PHF11: variants seen among roughly 807,000 people sequenced by gnomAD.
PHF11 encodes BRCA1 C-terminus-associated protein.
PHF11 carries 38 observed loss-of-function variants against 40.5 expected under a neutral mutation model. The ratio of observed to expected loss-of-function variants is 0.94; its 90% CI spans 0.72 to 1.23. The LOEUF (loss-of-function observed/expected upper bound fraction) is 1.23. Among genes scored for constraint, PHF11 ranks in the 50% most tolerant of loss-of-function variants. The pLI, the probability that PHF11 is intolerant of heterozygous loss-of-function variation, is 0.00. For missense variants in PHF11, 369 were observed against 392.4 expected (o/e 0.94, Z 0.50); for synonymous variants, 127 against 138.2 (o/e 0.92, Z 0.57).
chr13:49,503,069 TCA>T lies in PHF11; in HGVS notation c.95-3565_95-3564del, dbSNP rs1958932057. Among the ~76,000 whole-genome samples the T allele has an allele frequency of 2.0e-5, 3 of 152,204 alleles. No individual in the cohort carries two copies. The South Asian group carries it at 6.2e-4, about 31-fold the overall frequency. On this transcript the variant is annotated intron_variant, in intron 1 of 9. Transcript: ENST00000378319. ...CTTTGTCATCATGTGCTTCTCCTGC[TCA>T]GACATCCTCCTTGGCAGCCTTTCAA...
chr13:49,525,211 G>C (rs1463824782), intron 8 of PHF11, among the ~76,000 whole-genome samples: 1 of 152,172 alleles, frequency 6.6e-6, no homozygotes, highest in African/African-American at 2.4e-5. Context: ...GGAAGTCAAA[G>C]TTCCATTTGT....
chr13:49,526,185 A>G (rs77365560), intron 8 of PHF11: 13,339 of 491,634 alleles, frequency 0.027, 246 homozygotes, highest in African/African-American at 0.067. Context: ...AAAAAAAAAA[A>G]AAAAAGAAAA....
At chr13:49,507,881 GT>G (rs1959026842) in intron 2 of PHF11, among the ~76,000 whole-genome samples, 1 of 152,074 alleles carries the variant, frequency 6.6e-6, no homozygotes, top group South Asian at 2.1e-4. Flanking sequence ...AGCCTTGGGG[GT>G]TCCTGGAACC....
At chr13:49,514,944 T>C (rs1033479406) in intron 3 of PHF11, among the ~76,000 whole-genome samples, 22 of 152,014 alleles carry the variant, frequency 1.4e-4, no homozygotes, top group Non-Finnish European at 3.1e-4. Context: ...CTGGAATATT[T>C]TTTTGCTCTT....
intron 3 of PHF11, among the ~76,000 whole-genome samples, chr13:49,517,771 T>G (rs1228001352): frequency 6.6e-6 from 1 of 152,212 alleles, no homozygotes; most frequent in Admixed American, 6.5e-5. Context: ...TTTTTCTGCT[T>G]TTAATCAGAT....
intron 1 of PHF11, 143 bp from the exon 2 acceptor site, chr13:49,506,492 G>A (rs567574086): frequency 1.4e-6 from 1 of 702,858 alleles, no homozygotes; most frequent in East Asian, 2.7e-5. Flanking sequence ...TTTTTCACTT[G>A]GGTCCCCAAT....
At position 49,526,390 on chromosome 13, in the gene PHF11, A is replaced by G. The variant is rs781660575; in HGVS notation, c.773A>G (p.Tyr258Cys). ...GAAAATGTTTCTCTCCCTCCAGACT[A>G]TGAAGAAATCGGGAGTGCACTTTTT... Reference protein sequence around the residue: ...LMDETTSESDYEEIGSALFDC... With the variant: ...LMDETTSESDCEEIGSALFDC... The change falls in exon 9 of 10, where the codon TAT (tyrosine) becomes TGT (cysteine). Residue 258 changes from tyrosine to cysteine, a missense_variant. Physicochemically the swap from Tyr to Cys is radical, Grantham distance 194. Transcript: ENST00000378319. 4 of 1,601,206 alleles carry G rather than the reference A, an allele frequency of 2.5e-6. No homozygotes were observed. The highest frequency in any genetic ancestry group is 3.3e-4 in the Middle Eastern group (2 of 6,052).
chr13:49,501,294 T>C (rs974370464), intron 1 of PHF11, among the ~76,000 whole-genome samples: 2 of 152,106 alleles, frequency 1.3e-5, no homozygotes, highest in African/African-American at 4.8e-5. Flanking sequence ...ATTATAGGTG[T>C]GAGCCACTAC....
intron 2 of PHF11, among the ~76,000 whole-genome samples, chr13:49,508,996 G>T (rs995977443): frequency 6.6e-6 from 1 of 152,022 alleles, no homozygotes; most frequent in Non-Finnish European, 1.5e-5. Context: ...CTAAATGCTT[G>T]TTCTGCATCT....
At chr13:49,498,536 A>G (rs1316125550) in intron 1 of PHF11, among the ~76,000 whole-genome samples, 2 of 152,190 alleles carry the variant, frequency 1.3e-5, no homozygotes, top group Admixed American at 6.5e-5. Context: ...GATCATTCTG[A>G]CAGTGACCTG....
At chr13:49,504,656 C>T (rs1233272651) in intron 1 of PHF11, among the ~76,000 whole-genome samples, 2 of 150,764 alleles carry the variant, frequency 1.3e-5, no homozygotes, top group African/African-American at 2.4e-5. Context: ...TCTGCCCGGC[C>T]GCCCCTACTA....
intron 1 of PHF11, among the ~76,000 whole-genome samples, chr13:49,499,295 T>C (rs143491118): frequency 1.1e-3 from 170 of 152,350 alleles, no homozygotes; most frequent in African/African-American, 4.1e-3. Context: ...CTATCAGCTA[T>C]GTCTAGAGGA....
intron 6 of PHF11, 96 bp from the exon 7 acceptor site, chr13:49,523,079 T>C: frequency 1.1e-6 from 1 of 875,858 alleles, no homozygotes; most frequent in Non-Finnish European, 1.9e-6. Flanking sequence ...TGATTTTTAC[T>C]GTAGGCATAT....
chr13:49,527,035 A>G (rs1322220306), intron 9 of PHF11, among the ~76,000 whole-genome samples: 1 of 148,600 alleles, frequency 6.7e-6, no homozygotes, highest in Non-Finnish European at 1.5e-5. Flanking sequence ...GAGGGTTACG[A>G]CTGATTTAAA....
At chr13:49,528,378 G>T in intron 9 of PHF11, 133 bp from the exon 10 acceptor site, 2 of 622,452 alleles carry the variant, frequency 3.2e-6, no homozygotes, top group South Asian at 2.1e-5. Flanking sequence ...TGCCCATAAG[G>T]CTCTGGATCC....
rs796480480 is a variant in PHF11 at position 49,523,656 on chromosome 13, T to A, written c.637+415T>A. The stretch of plus-strand genomic sequence containing the variant: ...ATGTCAAAGACTTAAGGGTAATTTT[T>A]AAAAATCCTCTTAATTCAACTACAT... On this transcript the variant is annotated intron_variant, in intron 7 of 9. Coordinates refer to ENST00000378319, the MANE Select transcript of PHF11 (RefSeq NM_001040443.3). 1.4e-4 allele frequency: 31 copies of A among 225,882 alleles called. 2 individuals carry two copies. Among genetic ancestry groups the A allele is most frequent in the African/African-American group, 6.6e-4 (28 of 42,620 alleles). The allele number at this position is 225,882 out of a possible 1,614,324, so 14.0% of individuals were successfully genotyped here. A position where few individuals can be genotyped will look rare whatever the true frequency, so the allele number is the denominator to read the frequency against.
At position 49,522,056 on chromosome 13, in the gene PHF11, A is replaced by G. The variant is rs769190313; in HGVS notation, c.519A>G (p.Gly173=). The G allele has an allele frequency of 5.9e-6, 9 of 1,517,230 alleles. No individual in the cohort carries two copies. In the Admixed American group the frequency reaches 1.2e-4, roughly 20 times the overall value. 94.0% of individuals were successfully genotyped at this position (1,517,230 alleles called of 1,614,324 possible). A position where few individuals can be genotyped will look rare whatever the true frequency, so the allele number is the denominator to read the frequency against. The change falls in exon 6 of 10, where the codon GGA becomes GGG. Residue 173 remains glycine (G), a synonymous_variant. Transcript: ENST00000378319. ...TTATATTTTTAGCTAAATTTTCAGG[A>G]GTGAAAAGAAAAAGAGGAAGGAAGA... is the stretch of plus-strand genomic sequence containing the variant. ...PIIAQSAKFS[G]VKRKRGRKKP...
chr13:49,497,215 A>C (rs1354407903), intron 1 of PHF11: 1 of 1,288,062 alleles, frequency 7.8e-7, no homozygotes, highest in Non-Finnish European at 1.0e-6. Flanking sequence ...TATGGACTGT[A>C]AGGTAAGTCA....
At chr13:49,520,032 G>A (rs1453268845) in intron 4 of PHF11, among the ~76,000 whole-genome samples, 1 of 152,176 alleles carries the variant, frequency 6.6e-6, no homozygotes, top group African/African-American at 2.4e-5. Context: ...TCTATAAAAC[G>A]ATTCACTTCA....
Sources: allele counts gnomAD v4.1 joint callset (sites outside exome capture counted in the v4.1 genomes callset), GRCh38; gene constraint gnomAD v4.1.1; transcripts MANE v1.5; gene names NCBI Gene and HGNC (gene_info 2026-07-23, HGNC 2026-07-21).